Variants in DPP10 observed in about 807,000 individuals in gnomAD.
DPP10 encodes the protein dipeptidyl peptidase like 10, also known as inactive dipeptidyl peptidase 10.
A neutral mutation model predicts 120.9 loss-of-function variants in DPP10; 33 were observed. The observed-to-expected ratio is 0.27, with a 90% CI of 0.21 to 0.37. The LOEUF (loss-of-function observed/expected upper bound fraction) is 0.37, where lower values mean the gene tolerates loss of function less well. Ranked by LOEUF, DPP10 falls within the 10% of genes least tolerant of loss-of-function variation. The pLI, the probability that DPP10 is intolerant of heterozygous loss-of-function variation, is 1.00. For synonymous variants in DPP10, 337 were observed against 326.1 expected (o/e 1.03, Z -0.36); for missense variants, 816 against 942.8 (o/e 0.87, Z 1.76).
intron 1 of DPP10, among the ~76,000 whole-genome samples, chr2:115,185,341 T>G (rs1280025896): frequency 6.6e-6 from 1 of 152,090 alleles, no homozygotes; most frequent in East Asian, 1.9e-4. Context: ...TGCATCATAT[T>G]CTTGAGGGAG....
chr2:114,829,008 G>A (rs936053732), intron 1 of DPP10: 3 of 152,214 alleles, frequency 2.0e-5, no homozygotes, highest in East Asian at 1.9e-4. Flanking sequence ...TAGTTACTAG[G>A]CCAGGTGCGG....
rs564600063 is a variant in DPP10 at position 115,048,548 on chromosome 2, T to C, written c.61-260691T>C. Among the ~76,000 whole-genome samples the C allele has an allele frequency of 1.8e-4, 27 of 152,230 alleles. 1 individual carries two copies. In the South Asian group the frequency reaches 5.6e-3, roughly 32 times the overall value. ...CACCAGTTGTTTTTTATTTGGCTCA[T>C]GATAAAGTCCAAGCTAAGCAGGGTA... On this transcript the variant is annotated intron_variant, in intron 1 of 25. Coordinates refer to ENST00000410059, the MANE Select transcript of DPP10 (RefSeq NM_020868.6).
At chr2:115,669,629 G>A (rs1162574170) in intron 5 of DPP10, among the ~76,000 whole-genome samples, 1 of 151,970 alleles carries the variant, frequency 6.6e-6, no homozygotes, top group African/African-American at 2.4e-5. Context: ...CTCTGTGGTG[G>A]CAAAATTGCT....
chr2:114,965,288 C>T (rs897303374), intron 1 of DPP10, among the ~76,000 whole-genome samples: 2 of 152,040 alleles, frequency 1.3e-5, no homozygotes, highest in Non-Finnish European at 2.9e-5. Flanking sequence ...AGGCGTGTGC[C>T]ACCATGCCTG....
At chr2:115,050,440 C>T (rs750401642) in intron 1 of DPP10, among the ~76,000 whole-genome samples, 1 of 152,082 alleles carries the variant, frequency 6.6e-6, no homozygotes, top group Non-Finnish European at 1.5e-5. Flanking sequence ...GCCTTAATGT[C>T]TCATAACATG....
chr2:115,465,398 G>A (rs1461229065), intron 3 of DPP10, among the ~76,000 whole-genome samples: 1 of 152,186 alleles, frequency 6.6e-6, no homozygotes, highest in South Asian at 2.1e-4. Flanking sequence ...ACTGAGGAAG[G>A]AGAACTACTG....
intron 1 of DPP10, among the ~76,000 whole-genome samples, chr2:114,822,855 C>A (rs1217131735): frequency 6.6e-6 from 1 of 152,200 alleles, no homozygotes; most frequent in East Asian, 1.9e-4. Flanking sequence ...TAGTTCTCAA[C>A]AAGTTCCTCA....
chr2:115,209,571 ACTTTT>A (rs1307200715), intron 1 of DPP10, among the ~76,000 whole-genome samples: 3 of 151,982 alleles, frequency 2.0e-5, no homozygotes, highest in African/African-American at 7.2e-5. Context: ...CTTTCTTATT[ACTTTT>A]CTTTGTTTAT....
At chr2:115,561,811 G>T (rs2080700410) in intron 5 of DPP10, among the ~76,000 whole-genome samples, 1 of 152,014 alleles carries the variant, frequency 6.6e-6, no homozygotes, top group African/African-American at 2.4e-5. Context: ...CTTATATTTG[G>T]GGGTTTAAAT....
intron 1 of DPP10, among the ~76,000 whole-genome samples, chr2:114,976,073 AAC>A (rs1699736639): frequency 6.6e-6 from 1 of 152,220 alleles, no homozygotes; most frequent in African/African-American, 2.4e-5. Context: ...TAGAATTCTG[AAC>A]TTTGCATAAA....
chr2:115,231,133 G>C (rs1434009289), intron 1 of DPP10, among the ~76,000 whole-genome samples: 1 of 151,642 alleles, frequency 6.6e-6, no homozygotes, highest in Non-Finnish European at 1.5e-5. Context: ...TTTAAGTAGG[G>C]TTAAAACTAA....
intron 1 of DPP10, among the ~76,000 whole-genome samples, chr2:114,445,392 A>T (rs979941431): frequency 6.6e-6 from 1 of 152,148 alleles, no homozygotes; most frequent in African/African-American, 2.4e-5. Context: ...CTTTTCCCCC[A>T]TCAGTATAGT....
intron 3 of DPP10, among the ~76,000 whole-genome samples, chr2:115,498,653 T>G (rs917832949): frequency 6.7e-6 from 1 of 149,944 alleles, no homozygotes; most frequent in African/African-American, 2.4e-5. Context: ...TATTCAAACC[T>G]ACTTTAATGT....
chr2:114,809,192 G>A (rs1483101316), intron 1 of DPP10, among the ~76,000 whole-genome samples: 1 of 152,058 alleles, frequency 6.6e-6, no homozygotes, highest in East Asian at 1.9e-4. Flanking sequence ...ATGTTGAAGT[G>A]GAAAGAAATT....
intron 1 of DPP10, among the ~76,000 whole-genome samples, chr2:114,628,678 A>G (rs2105363101): frequency 6.6e-6 from 1 of 152,208 alleles, no homozygotes; most frequent in African/African-American, 2.4e-5. Flanking sequence ...GATAAACTGC[A>G]CACTGACTCT....
chr2:114,672,602 T>C (rs929602813), intron 1 of DPP10, among the ~76,000 whole-genome samples: 2 of 152,218 alleles, frequency 1.3e-5, no homozygotes, highest in African/African-American at 4.8e-5. Context: ...GATTGCTTTC[T>C]GGAAGACTCA....
intron 1 of DPP10, among the ~76,000 whole-genome samples, chr2:114,578,661 T>C (rs1414876062): frequency 6.6e-6 from 1 of 152,182 alleles, no homozygotes; most frequent in African/African-American, 2.4e-5. Flanking sequence ...GCAAACCAGT[T>C]CTCATAGAGA....
At chr2:115,536,361 C>A (rs1341409351) in intron 5 of DPP10, among the ~76,000 whole-genome samples, 1 of 151,902 alleles carries the variant, frequency 6.6e-6, no homozygotes, top group Non-Finnish European at 1.5e-5. Flanking sequence ...GCTTTACCAT[C>A]TTTTCATGTG....
At chr2:115,635,111 C>T (rs2086213283) in intron 5 of DPP10, among the ~76,000 whole-genome samples, 1 of 152,108 alleles carries the variant, frequency 6.6e-6, no homozygotes, top group African/African-American at 2.4e-5. Flanking sequence ...ATGGCGGCCA[C>T]CCCTCCTCCC....
Sources: allele counts gnomAD v4.1 joint callset (sites outside exome capture counted in the v4.1 genomes callset), GRCh38; gene constraint gnomAD v4.1.1; transcripts MANE v1.5; gene names NCBI Gene and HGNC (gene_info 2026-07-23, HGNC 2026-07-21).